Variants in GALNT12 observed in about 807,000 individuals in gnomAD.
The protein encoded by GALNT12 is polypeptide N-acetylgalactosaminyltransferase 12.
GALNT12 carries 45 observed loss-of-function variants against 55.5 expected under a neutral mutation model. The observed-to-expected ratio is 0.81, with a 90% CI of 0.64 to 1.04. The LOEUF (loss-of-function observed/expected upper bound fraction) is 1.04, where lower values mean the gene tolerates loss of function less well. Ranked by LOEUF, GALNT12 falls within the 50% of genes least tolerant of loss-of-function variation. The pLI is 0.00. For missense variants in GALNT12, 709 were observed against 754.8 expected (o/e 0.94, Z 0.71); for synonymous variants, 304 against 312.2 (o/e 0.97, Z 0.28).
At position 98,834,026 on chromosome 9, in the gene GALNT12, G is replaced by A. The variant is rs536153551; in HGVS notation, c.918-1223G>A. 7.2e-5 allele frequency among the ~76,000 whole-genome samples: 11 copies of A among 152,302 alleles called. No homozygotes were observed. In the South Asian group the frequency reaches 1.0e-3, roughly 14 times the overall value. Reference sequence around the variant, plus strand: ...CCCTTCCACTGGGGATGTTGCTGTTGTCTTCTCAGTTGGCCCCATGCTTGG... The same window carrying A: ...CCCTTCCACTGGGGATGTTGCTGTTATCTTCTCAGTTGGCCCCATGCTTGG... On this transcript the variant is annotated intron_variant, in intron 4 of 9. Transcript: ENST00000375011.
intron 1 of GALNT12, among the ~76,000 whole-genome samples, chr9:98,811,143 C>G (rs1244385875): frequency 6.6e-6 from 1 of 152,182 alleles, no homozygotes; most frequent in African/African-American, 2.4e-5. Context: ...GTGAAAGCTA[C>G]TGGCCTAGAG....
intron 2 of GALNT12, 115 bp from the exon 3 acceptor site, chr9:98,826,637 T>G (rs1481587839): frequency 9.7e-7 from 1 of 1,033,370 alleles, no homozygotes; most frequent in Non-Finnish European, 1.5e-6. Context: ...CAAAGGAGGC[T>G]CCTGTCTATT....
chr9:98,823,294 G>A lies in GALNT12; in HGVS notation c.410G>A (p.Arg137Lys), dbSNP rs1554755060. Residue 137 changes from arginine to lysine, a missense_variant, in exon 2 of 10, where the codon AGG becomes AAG. Coordinates refer to ENST00000375011, the MANE Select transcript of GALNT12 (RefSeq NM_024642.5). ...AAATATGATTATGATAATTTGCCCA[G>A]GACATCTGTTATCATAGCATTTTAT... ...EKKYDYDNLP[R>K]TSVIIAFYNE... 4.3e-6 allele frequency: 7 copies of A among 1,614,034 alleles called. No individual in the cohort carries two copies. The highest frequency in any genetic ancestry group is 1.1e-5 in the South Asian group (1 of 91,086).
intron 1 of GALNT12, among the ~76,000 whole-genome samples, chr9:98,819,861 G>C (rs1247948690): frequency 6.6e-6 from 1 of 152,156 alleles, no homozygotes; most frequent in Non-Finnish European, 1.5e-5. Flanking sequence ...TCTCAGCCCA[G>C]TACATACTAG....
chr9:98,823,336 C>G lies in GALNT12; in HGVS notation c.452C>G (p.Thr151Ser). ...GCATTTTATAATGAAGCCTGGTCAA[C>G]TCTCCTTCGGACAGTTTACAGTGTC... is the stretch of plus-strand genomic sequence containing the variant. ...IIAFYNEAWS[T>S]LLRTVYSVLE... The change falls in exon 2 of 10, where the codon ACT (threonine) becomes AGT (serine). Residue 151 changes from threonine (T) to serine (S), a missense_variant. Thr to Ser is a moderately conservative substitution (Grantham distance 58). Coordinates refer to ENST00000375011, the MANE Select transcript of GALNT12 (RefSeq NM_024642.5). The G allele has an allele frequency of 6.2e-7, 1 of 1,613,914 alleles. No homozygotes were observed. Among genetic ancestry groups the G allele is most frequent in the South Asian group, 1.1e-5 (1 of 91,078 alleles).
chr9:98,807,997 T>A lies in GALNT12; in HGVS notation c.299T>A (p.Leu100Gln), dbSNP rs1478312433. The change falls in exon 1 of 10, where the codon CTG becomes CAG. Residue 100 changes from leucine to glutamine, a missense_variant. Physicochemically the swap from Leu to Gln is moderately radical, Grantham distance 113. Coordinates refer to ENST00000375011, the MANE Select transcript of GALNT12 (RefSeq NM_024642.5). ...CGGCTGCAGGAGGAGAGCGTGCGGC[T>A]GCACCAGATTAACATCTACCTCAGC... ...ELRLQEESVR[L>Q]HQINIYLSDR... 4 of 1,543,546 alleles carry A rather than the reference T, an allele frequency of 2.6e-6. No individual in the cohort carries two copies. The highest frequency in any genetic ancestry group is 3.5e-6 in the Non-Finnish European group (4 of 1,147,964).
intron 1 of GALNT12, among the ~76,000 whole-genome samples, chr9:98,814,375 A>T (rs1372570746): frequency 6.6e-6 from 1 of 152,140 alleles, no homozygotes; most frequent in Non-Finnish European, 1.5e-5. Flanking sequence ...GATTTTTTTT[A>T]AAAGACATTT....
chr9:98,839,875 G>A, intron 6 of GALNT12, 127 bp from the exon 7 acceptor site: 3 of 1,140,664 alleles, frequency 2.6e-6, no homozygotes, highest in Non-Finnish European at 4.0e-6. Context: ...CTCCACACAG[G>A]GCCTGGCATG....
At chr9:98,811,858 T>A (rs1835504308) in intron 1 of GALNT12, among the ~76,000 whole-genome samples, 1 of 152,100 alleles carries the variant, frequency 6.6e-6, no homozygotes, top group African/African-American at 2.4e-5. Context: ...AATTTTTGTA[T>A]TTTTAGTAGA....
intron 8 of GALNT12, 197 bp downstream of exon 8, chr9:98,844,406 A>G: frequency 1.7e-6 from 1 of 588,976 alleles, no homozygotes; most frequent in South Asian, 2.0e-5. Context: ...CACAGAGATT[A>G]TGTGTTGTAA....
At chr9:98,844,232 G>A (rs769422278) in intron 8 of GALNT12, 23 bp downstream of exon 8, 2 of 1,373,270 alleles carry the variant, frequency 1.5e-6, no homozygotes, top group Non-Finnish European at 2.1e-6. Context: ...CTCAAAAGAG[G>A]AGAAAGCTGT....
rs1835864602 is a variant in GALNT12 at position 98,826,760 on chromosome 9, A to C, written c.550A>C (p.Lys184Gln). 1 of 1,611,078 alleles carries C rather than the reference A, an allele frequency of 6.2e-7. No homozygotes were observed. The highest frequency in any genetic ancestry group is 8.5e-7 in the Non-Finnish European group (1 of 1,179,718). Residue 184 changes from lysine to glutamine, a missense_variant, in exon 3 of 10, where the codon AAG becomes CAG. This residue lies in a region of GALNT12 where 315 missense variants were observed against 288.6 expected (regional missense o/e 1.09). Coordinates refer to ENST00000375011, the MANE Select transcript of GALNT12 (RefSeq NM_024642.5). ...TTTGTTTGCCTCCCTAGAGCACCTG[A>C]AGGAGCGCTTGGCCAATGAGCTTTC... ...VDDYSDREHLKERLANELSGL... is the reference protein window; with the variant it reads ...VDDYSDREHLQERLANELSGL...
At chr9:98,848,053 G>A (rs1836461538) in intron 9 of GALNT12, among the ~76,000 whole-genome samples, 1 of 152,150 alleles carries the variant, frequency 6.6e-6, no homozygotes, top group South Asian at 2.1e-4. Context: ...GGCCTCAAGT[G>A]ATCCACCTGC....
intron 5 of GALNT12, among the ~76,000 whole-genome samples, chr9:98,836,408 C>T (rs1432159262): frequency 2.0e-5 from 3 of 152,162 alleles, no homozygotes; most frequent in Admixed American, 1.3e-4. Flanking sequence ...GTACCAGATG[C>T]TGTGCTTGGT....
At chr9:98,812,563 G>A (rs1253721712) in intron 1 of GALNT12, among the ~76,000 whole-genome samples, 1 of 152,226 alleles carries the variant, frequency 6.6e-6, no homozygotes, top group Admixed American at 6.5e-5. Flanking sequence ...CTGTACTCCA[G>A]CCTGGGCGAC....
chr9:98,807,742 G>C lies in GALNT12; in HGVS notation c.44G>C (p.Arg15Pro), dbSNP rs1835405723. The C allele has an allele frequency of 1.7e-6, 2 of 1,188,512 alleles. No individual in the cohort carries two copies. The highest frequency in any genetic ancestry group is 2.1e-6 in the Non-Finnish European group (2 of 954,698). 73.6% of individuals were successfully genotyped at this position (1,188,512 alleles called of 1,614,324 possible). ...TARRRCPREL[R>P]RGREALLVLL... Reference sequence around the variant, plus strand: ...CGGCGGCGCTGCCCGCGGGAACTGCGGCGCGGCCGGGAGGCGCTGTTGGTG... The same window carrying C: ...CGGCGGCGCTGCCCGCGGGAACTGCCGCGCGGCCGGGAGGCGCTGTTGGTG... Residue 15 changes from arginine (R) to proline (P), a missense_variant, in exon 1 of 10, where the codon CGG becomes CCG. Transcript: ENST00000375011.
Position 98,808,042 on chromosome 9 carries a change from G to A in GALNT12, c.344G>A (p.Arg115His), listed in dbSNP as rs2118258368. Residue 115 changes from arginine to histidine, a missense_variant, in exon 1 of 10, where the codon CGC (arginine) becomes CAC (histidine). Coordinates refer to ENST00000375011, the MANE Select transcript of GALNT12 (RefSeq NM_024642.5). ...CTCAGCGACCGCATCTCACTGCACC[G>A]CCGCCTGCCCGAGCGCTGGAACCCG... The part of the protein sequence containing the change: ...IYLSDRISLH[R>H]RLPERWNPLC... 2 of 1,580,356 alleles carry A rather than the reference G, an allele frequency of 1.3e-6. No individual in the cohort carries two copies. Among genetic ancestry groups the A allele is most frequent in the Non-Finnish European group, 8.6e-7 (1 of 1,166,468 alleles).
At chr9:98,835,447 G>C in intron 5 of GALNT12, 81 bp downstream of exon 5, 1 of 878,044 alleles carries the variant, frequency 1.1e-6, no homozygotes, top group East Asian at 2.4e-5. Context: ...GTAAGAGCCT[G>C]GTGGACCCTG....
At position 98,849,944 on chromosome 9, in the gene GALNT12, G is replaced by T. The variant is rs570330805; in HGVS notation, c.*852G>T. On this transcript the variant is annotated 3_prime_UTR_variant, in exon 10 of 10. Transcript: ENST00000375011. ...ATAACAGTTATTAATTTAAATCAGC[G>T]TTAGAGTTTGTGCTGCTGCAACTGC... is the stretch of plus-strand genomic sequence containing the variant. 4.4e-6 allele frequency: 1 copy of T among 225,178 alleles called. No homozygotes were observed. The highest frequency in any genetic ancestry group is 8.8e-6 in the Non-Finnish European group (1 of 113,810). 13.9% of individuals were successfully genotyped at this position (225,178 alleles called of 1,614,324 possible). A position where few individuals can be genotyped will look rare whatever the true frequency, so the allele number is the denominator to read the frequency against.
Sources: gnomAD v4.1 joint callset for allele counts (sites outside exome capture counted in the v4.1 genomes callset) on GRCh38, gnomAD v4.1.1 for gene constraint, gnomAD v4.1.1 regional missense constraint, MANE v1.5 for transcripts, NCBI Gene and HGNC (gene_info 2026-07-23, HGNC 2026-07-21) for gene names.